BFSP1: variants seen among roughly 807,000 people sequenced by gnomAD.
The protein encoded by BFSP1 is beaded filament structural protein 1.
Under a neutral mutation model 43.9 loss-of-function variants are expected in BFSP1, and 38 were observed. The observed-to-expected ratio is 0.87, with a 90% CI of 0.67 to 1.14. BFSP1 has a LOEUF of 1.14. Among genes scored for constraint, BFSP1 ranks in the 50% most tolerant of loss-of-function variants. The pLI is 0.00. For missense variants in BFSP1, 850 were observed against 875.1 expected, an observed-to-expected ratio of 0.97 and a Z score of 0.36; for synonymous variants, 352 against 354.8, an observed-to-expected ratio of 0.99 and a Z score of 0.09.
At chr20:17,537,568 C>CAAAAAAAAAAAAAAA (rs901895418) in intron 1 of BFSP1, among the ~76,000 whole-genome samples, 4 of 63,822 alleles carry the variant, frequency 6.3e-5, no homozygotes, top group African/African-American at 5.8e-5. Context: ...ACTGAAGCAC[C>CAAAAAAAAAAAAAAA]AAAAAAAAAA....
Position 17,495,090 on chromosome 20 carries a change from G to A in BFSP1, c.1043-61C>T, listed in dbSNP as rs182210783. ...TGTCACTGAGAGAGAAAGAAAATACGCTGGTTGGAAAATAGGCTAACTCTC... is the reference window on the plus strand; with the variant it reads ...TGTCACTGAGAGAGAAAGAAAATACACTGGTTGGAAAATAGGCTAACTCTC... On this transcript the variant is annotated intron_variant, in intron 7 of 7. Transcript: ENST00000377873. The A allele has an allele frequency of 3.3e-5, 49 of 1,469,148 alleles. No homozygotes were observed. The Admixed American group carries it at 5.6e-4, about 17-fold the overall frequency. 91.0% of individuals were successfully genotyped at this position (1,469,148 alleles called of 1,614,324 possible). A position where few individuals can be genotyped will look rare whatever the true frequency, so the allele number is the denominator to read the frequency against.
intron 1 of BFSP1, among the ~76,000 whole-genome samples, chr20:17,545,931 C>T (rs1209412822): frequency 6.6e-6 from 1 of 152,222 alleles, no homozygotes; most frequent in African/African-American, 2.4e-5. Context: ...TGTTCCTCCT[C>T]TTGCTTTCTG....
At chr20:17,540,254 T>C (rs1008459174) in intron 1 of BFSP1, among the ~76,000 whole-genome samples, 9 of 152,122 alleles carry the variant, frequency 5.9e-5, no homozygotes, top group African/African-American at 1.9e-4. Context: ...TGCCTGCTCA[T>C]GATCAACTCC....
intron 2 of BFSP1, among the ~76,000 whole-genome samples, chr20:17,522,127 G>A (rs1461048489): frequency 2.6e-5 from 4 of 152,160 alleles, no homozygotes; most frequent in Non-Finnish European, 5.9e-5. Flanking sequence ...ACCTATAGCC[G>A]AGAACTCTCT....
At chr20:17,501,931 C>G (rs1316930705) in intron 5 of BFSP1, among the ~76,000 whole-genome samples, 2 of 152,226 alleles carry the variant, frequency 1.3e-5, no homozygotes. Context: ...GGGTCTGAGG[C>G]TGCCGCTCTG....
At chr20:17,537,295 C>CT (rs1219069070) in intron 1 of BFSP1, among the ~76,000 whole-genome samples, 1 of 152,170 alleles carries the variant, frequency 6.6e-6, no homozygotes, top group Non-Finnish European at 1.5e-5. Context: ...ACTATCCCTG[C>CT]TCCCTGTAGC....
exon 1 of BFSP1, chr20:17,558,753 T>G: frequency 6.5e-7 from 1 of 1,548,738 alleles, no homozygotes; most frequent in South Asian, 1.2e-5. Flanking sequence ...ACATCCAAGG[T>G]GTGCTGCCTG....
At chr20:17,540,597 C>T (rs1193406709) in intron 1 of BFSP1, among the ~76,000 whole-genome samples, 1 of 152,130 alleles carries the variant, frequency 6.6e-6, no homozygotes, top group East Asian at 1.9e-4. Flanking sequence ...CAATGCTGGG[C>T]ATCCCTCAGT....
intron 1 of BFSP1, among the ~76,000 whole-genome samples, chr20:17,529,023 T>C (rs535712709): frequency 6.6e-5 from 10 of 152,288 alleles, no homozygotes; most frequent in Admixed American, 4.6e-4. Context: ...AAAATTCATT[T>C]ATGTAATTTT....
At chr20:17,509,501 A>T (rs893132713) in intron 4 of BFSP1, among the ~76,000 whole-genome samples, 11 of 152,216 alleles carry the variant, frequency 7.2e-5, no homozygotes, top group African/African-American at 2.4e-4. Flanking sequence ...TCAAAGTCTG[A>T]ACCTCCTTGG....
rs1004614419 is a variant in BFSP1, at chr20:17,551,794, C to A, written c.2+6894G>T. 2.0e-5 allele frequency among the ~76,000 whole-genome samples: 3 copies of A among 151,972 alleles called. No homozygotes were observed. The South Asian group carries it at 6.2e-4, about 31-fold the overall frequency. On this transcript the variant is annotated intron_variant, in intron 1 of 7. Coordinates refer to the BFSP1 transcript ENST00000377868. ...GGTCAGGAGTTCAAGACCAGCCTGACCAACATGGTGAAACCTCGTCTCTAC... is the reference window on the plus strand; with the variant it reads ...GGTCAGGAGTTCAAGACCAGCCTGAACAACATGGTGAAACCTCGTCTCTAC...
intron 1 of BFSP1, 83 bp downstream of exon 1, chr20:17,530,870 G>T: frequency 5.4e-6 from 7 of 1,291,616 alleles, no homozygotes; most frequent in Non-Finnish European, 6.9e-6. Flanking sequence ...CTCCACCCCT[G>T]CATGGTAGCA....
intron 1 of BFSP1, among the ~76,000 whole-genome samples, chr20:17,545,690 A>G (rs1322840617): frequency 5.9e-5 from 9 of 152,272 alleles, no homozygotes; most frequent in African/African-American, 1.7e-4. Context: ...GCAAACTCCT[A>G]CAACAACAGA....
intron 1 of BFSP1, among the ~76,000 whole-genome samples, chr20:17,568,636 A>G (rs571417164): frequency 3.3e-5 from 5 of 152,284 alleles, no homozygotes; most frequent in Admixed American, 6.5e-5. Context: ...GATGCATGCT[A>G]AAGAACCACT....
rs1009837955 is a variant in BFSP1 at position 17,525,302 on chromosome 20, G to A, written c.378-394C>T. 1.6e-4 allele frequency among the ~76,000 whole-genome samples: 25 copies of A among 152,174 alleles called. No individual in the cohort carries two copies. The highest frequency in any genetic ancestry group is 2.4e-4 in the African/African-American group (10 of 41,424). Reference sequence around the variant, plus strand: ...AATCTACACCACCATTAACCTGACCGTACTTGGATTTCCTATAGTATTTTA... The same window carrying A: ...AATCTACACCACCATTAACCTGACCATACTTGGATTTCCTATAGTATTTTA... On this transcript the variant is annotated intron_variant, in intron 1 of 7. Transcript: ENST00000377873. The surrounding 1 kb of genome is among the most constrained non-coding windows in gnomAD (Gnocchi z 4.2).
At chr20:17,518,795 G>A (rs2034256819) in intron 2 of BFSP1, among the ~76,000 whole-genome samples, 1 of 152,180 alleles carries the variant, frequency 6.6e-6, no homozygotes, top group South Asian at 2.1e-4. Flanking sequence ...TGTCCTCAGA[G>A]TGACCCAGCT....
intron 6 of BFSP1, 114 bp downstream of exon 6, chr20:17,498,706 G>A: frequency 8.0e-7 from 1 of 1,250,252 alleles, no homozygotes; most frequent in Non-Finnish European, 1.1e-6. Flanking sequence ...GAATTGTTCT[G>A]TTTCCTTCCC....
upstream of BFSP1, among the ~76,000 whole-genome samples, chr20:17,535,187 G>A (rs928093068): frequency 2.4e-4 from 37 of 152,150 alleles, no homozygotes; most frequent in African/African-American, 8.5e-4. Flanking sequence ...TGAAGTTTAT[G>A]ACTATGCTAC....
chr20:17,563,882 G>C (rs1202627003), upstream of BFSP1, among the ~76,000 whole-genome samples: 2 of 112,722 alleles, frequency 1.8e-5, no homozygotes, highest in East Asian at 5.7e-4. Context: ...GCGAGACCGT[G>C]TCTAAAAAAA....
Sources: allele counts gnomAD v4.1 joint callset (sites outside exome capture counted in the v4.1 genomes callset), GRCh38; gene constraint gnomAD v4.1.1; non-coding constraint Gnocchi (gnomAD v3.1); transcripts MANE v1.5; gene names NCBI Gene and HGNC (gene_info 2026-07-23, HGNC 2026-07-21).